Variants in LRP1B observed in about 807,000 individuals in gnomAD.
LRP1B encodes the protein low-density lipoprotein receptor-related protein 1B.
In LRP1B, 217 loss-of-function variants were observed where a neutral mutation model predicts 556.6. The ratio of observed to expected loss-of-function variants is 0.39; its 90% CI spans 0.35 to 0.44. The LOEUF (loss-of-function observed/expected upper bound fraction) is 0.44. LRP1B is among the 20% of genes least tolerant of loss of function. The pLI, the probability that LRP1B is intolerant of heterozygous loss-of-function variation, is 1.00. For synonymous variants in LRP1B, 2,047 were observed against 1,865.8 expected (o/e 1.10, Z -2.50); for missense variants, 5,053 against 5,620.8 (o/e 0.90, Z 3.23).
At chr2:140,550,787 GA>G (rs1163000122) in intron 43 of LRP1B, among the ~76,000 whole-genome samples, 11 of 152,070 alleles carry the variant, frequency 7.2e-5, no homozygotes, top group African/African-American at 2.7e-4. Context: ...AGTATTTCAG[GA>G]ATATAAAAAG....
intron 6 of LRP1B, among the ~76,000 whole-genome samples, chr2:141,191,534 C>T (rs1280025215): frequency 6.6e-6 from 1 of 151,900 alleles, no homozygotes; most frequent in Non-Finnish European, 1.5e-5. Context: ...GTGGGAATGT[C>T]TATCACCTCC....
intron 7 of LRP1B, among the ~76,000 whole-genome samples, chr2:141,141,158 G>A (rs1205265071): frequency 3.3e-5 from 5 of 152,104 alleles, no homozygotes; most frequent in Non-Finnish European, 5.9e-5. Context: ...AACGAATACA[G>A]AAGATTTATA....
intron 7 of LRP1B, among the ~76,000 whole-genome samples, chr2:141,124,393 A>G (rs996212118): frequency 6.6e-6 from 1 of 152,176 alleles, no homozygotes; most frequent in Non-Finnish European, 1.5e-5. Flanking sequence ...CAAAAAATAT[A>G]GAATATGTTC....
chr2:141,571,267 G>A lies in LRP1B; in HGVS notation c.206-90734C>T, dbSNP rs769834011. On this transcript the variant is annotated intron_variant, in intron 2 of 90. Transcript: ENST00000389484. The stretch of plus-strand genomic sequence containing the variant: ...CATCTCCAGGCACAGGAGTGAATCA[G>A]ATGAATAGGGCCTGAAGTGAACCCC... Among the ~76,000 whole-genome samples the A allele has an allele frequency of 3.6e-4, 54 of 150,866 alleles. 1 individual carries two copies. The highest frequency in any genetic ancestry group is 1.0e-3 in the South Asian group (5 of 4,780).
rs1261485962 is a variant in LRP1B, at chr2:140,716,763, T to G, written c.5812A>C (p.Lys1938Gln). 6.8e-6 allele frequency: 11 copies of G among 1,610,400 alleles called. No homozygotes were observed. Among genetic ancestry groups the G allele is most frequent in the East Asian group, 2.2e-5 (1 of 44,800 alleles). Reference sequence around the variant, plus strand: ...TCTTCTTTCCAAGTCTGATCTCTTTTAGCTCTGCTAATTTTATTGAAGCCC... The same window carrying G: ...TCTTCTTTCCAAGTCTGATCTCTTTGAGCTCTGCTAATTTTATTGAAGCCC... ...DMGFNKISRA[K>Q]RDQTWKEDII... is the part of the protein sequence containing the mutation. The change falls in exon 36 of 91, where the codon AAA becomes CAA. Residue 1938 changes from lysine to glutamine, a missense_variant. Lys to Gln is a moderately conservative substitution (Grantham distance 53, BLOSUM62 1). Around this residue, in one of 5 missense-constraint regions of LRP1B, gnomAD observed 3,619 missense variants for 3,931.9 expected, o/e 0.92. Transcript: ENST00000389484.
intron 2 of LRP1B, among the ~76,000 whole-genome samples, chr2:141,791,642 T>C (rs1695614859): frequency 6.6e-6 from 1 of 152,030 alleles, no homozygotes; most frequent in African/African-American, 2.4e-5. Flanking sequence ...TTGCAACACC[T>C]CTTTCTTCAC....
At chr2:142,024,611 A>G (rs1164213486) in intron 1 of LRP1B, among the ~76,000 whole-genome samples, 1 of 132,146 alleles carries the variant, frequency 7.6e-6, no homozygotes, top group African/African-American at 2.8e-5. Flanking sequence ...GTCAATAATC[A>G]GCTGAAATGT....
chr2:142,124,485 C>A (rs1040012553), intron 1 of LRP1B, among the ~76,000 whole-genome samples: 2 of 151,294 alleles, frequency 1.3e-5, no homozygotes, highest in Non-Finnish European at 3.0e-5. Flanking sequence ...TATATATATT[C>A]TTTATTGAGA....
At chr2:141,870,102 T>C (rs1274777279) in intron 1 of LRP1B, among the ~76,000 whole-genome samples, 1 of 152,026 alleles carries the variant, frequency 6.6e-6, no homozygotes, top group Non-Finnish European at 1.5e-5. Flanking sequence ...AGCAAATATG[T>C]AGTCACACTC....
chr2:141,392,460 TAAAAAAAAA>T (rs10636398), intron 3 of LRP1B, among the ~76,000 whole-genome samples: 10 of 96,070 alleles, frequency 1.0e-4, no homozygotes, highest in South Asian at 4.8e-4. Flanking sequence ...TGTCCTCTCT[TAAAAAAAAA>T]AAAAAAAAAA....
chr2:141,744,975 T>G (rs1693859895), intron 2 of LRP1B, among the ~76,000 whole-genome samples: 1 of 152,204 alleles, frequency 6.6e-6, no homozygotes, highest in Non-Finnish European at 1.5e-5. Flanking sequence ...GGAAAATATC[T>G]ACAAGAATTC....
chr2:141,368,175 GA>G (rs1346147281), intron 3 of LRP1B, among the ~76,000 whole-genome samples: 1 of 152,166 alleles, frequency 6.6e-6, no homozygotes, highest in Non-Finnish European at 1.5e-5. Context: ...ATTCAGTGGA[GA>G]AGTCAGTTAA....
chr2:140,936,688 A>G (rs1180248601), intron 20 of LRP1B, among the ~76,000 whole-genome samples: 1 of 152,196 alleles, frequency 6.6e-6, no homozygotes, highest in Non-Finnish European at 1.5e-5. Flanking sequence ...CTTGTTTCCT[A>G]CATGATTTAA....
At chr2:141,565,036 T>C (rs1352120413) in intron 2 of LRP1B, among the ~76,000 whole-genome samples, 1 of 152,152 alleles carries the variant, frequency 6.6e-6, no homozygotes, top group African/African-American at 2.4e-5. Flanking sequence ...ATTTGTGTGC[T>C]GAGCAAAGTT....
chr2:140,855,493 G>GAAAAAAAAAA (rs56835236), intron 27 of LRP1B, among the ~76,000 whole-genome samples: 3 of 99,370 alleles, frequency 3.0e-5, no homozygotes, highest in African/African-American at 1.1e-4. Context: ...TCTCTACTGG[G>GAAAAAAAAAA]AAAAAAAAAA....
intron 14 of LRP1B, among the ~76,000 whole-genome samples, chr2:141,012,332 TAGAG>T (rs983974593): frequency 6.6e-6 from 1 of 152,042 alleles, no homozygotes; most frequent in Admixed American, 6.6e-5. Context: ...ATTGTGAAGT[TAGAG>T]AGAACTACAA....
At chr2:141,251,331 G>A (rs1684252589) in intron 4 of LRP1B, among the ~76,000 whole-genome samples, 1 of 152,120 alleles carries the variant, frequency 6.6e-6, no homozygotes, top group South Asian at 2.1e-4. Flanking sequence ...TGAGAAACCA[G>A]ATAGCAGTAA....
chr2:142,048,624 A>G (rs1471393198), intron 1 of LRP1B, among the ~76,000 whole-genome samples: 1 of 152,120 alleles, frequency 6.6e-6, no homozygotes, highest in Non-Finnish European at 1.5e-5. Context: ...CTACTAGTCT[A>G]AAGCTTATGT....
chr2:140,497,258 TA>T (rs1026836137), intron 55 of LRP1B, among the ~76,000 whole-genome samples: 2 of 151,914 alleles, frequency 1.3e-5, no homozygotes, highest in Admixed American at 1.3e-4. Flanking sequence ...AAAATCTCTA[TA>T]ACCCACTTAG....
Sources: gnomAD v4.1 joint callset for allele counts (sites outside exome capture counted in the v4.1 genomes callset) on GRCh38, gnomAD v4.1.1 for gene constraint, gnomAD v4.1.1 regional missense constraint, MANE v1.5 for transcripts, NCBI Gene and HGNC (gene_info 2026-07-23, HGNC 2026-07-21) for gene names.